MPPED1: variants seen among roughly 807,000 people sequenced by gnomAD.
MPPED1 encodes the protein metallophosphoesterase domain containing 1, also known as metallophosphoesterase domain-containing protein 1.
MPPED1 carries 16 observed loss-of-function variants against 36.2 expected under a neutral mutation model. That is an observed-to-expected ratio of 0.44 (90% confidence interval 0.30 to 0.67). MPPED1 has a LOEUF of 0.67. Ranked by LOEUF, MPPED1 falls within the 30% of genes least tolerant of loss-of-function variation. The pLI, the probability that MPPED1 is intolerant of heterozygous loss-of-function variation, is 0.10. For synonymous variants in MPPED1, 199 were observed against 191.3 expected, an observed-to-expected ratio of 1.04 and a Z score of -0.33; for missense variants, 307 against 453.4, an observed-to-expected ratio of 0.68 and a Z score of 2.93.
chr22:43,443,945 A>C (rs995145195), intron 3 of MPPED1, among the ~76,000 whole-genome samples: 7 of 152,202 alleles, frequency 4.6e-5, no homozygotes, highest in African/African-American at 1.7e-4. Context: ...TGATTGATAA[A>C]CTGAGTGACC....
chr22:43,437,823 G>A (rs1241266937), intron 3 of MPPED1, among the ~76,000 whole-genome samples: 1 of 152,170 alleles, frequency 6.6e-6, no homozygotes, highest in Non-Finnish European at 1.5e-5. Flanking sequence ...TACCAGATCT[G>A]GGCTCCCCTG....
intron 3 of MPPED1, among the ~76,000 whole-genome samples, chr22:43,446,648 G>A (rs1159608466): frequency 6.6e-6 from 1 of 152,190 alleles, no homozygotes; most frequent in Non-Finnish European, 1.5e-5. Flanking sequence ...AGCTTGGGGG[G>A]CTTCATGCAG....
chr22:43,490,081 C>A (rs1185537967), intron 4 of MPPED1, among the ~76,000 whole-genome samples: 2 of 152,210 alleles, frequency 1.3e-5, no homozygotes, highest in African/African-American at 4.8e-5. Context: ...AGGGGCAGAA[C>A]TGGGGTGTCC....
chr22:43,442,677 C>T (rs543100926), intron 3 of MPPED1, among the ~76,000 whole-genome samples: 10 of 152,276 alleles, frequency 6.6e-5, no homozygotes, highest in African/African-American at 2.4e-4. Flanking sequence ...CAGTGCAGGG[C>T]ACCAAGCACT....
At chr22:43,461,732 G>A (rs372873699) in intron 3 of MPPED1, among the ~76,000 whole-genome samples, 1 of 152,250 alleles carries the variant, frequency 6.6e-6, no homozygotes, top group Non-Finnish European at 1.5e-5. Context: ...AAAAACCTGA[G>A]AATATATGTC....
intron 3 of MPPED1, among the ~76,000 whole-genome samples, chr22:43,468,538 G>A (rs1466727576): frequency 1.3e-5 from 2 of 152,196 alleles, no homozygotes; most frequent in Non-Finnish European, 2.9e-5. Flanking sequence ...GAGGCAGGAG[G>A]CCAGGGTTCA....
chr22:43,477,169 C>T lies in MPPED1; in HGVS notation c.632+2208C>T, dbSNP rs114345597. Among the ~76,000 whole-genome samples, 1,459 of 152,308 alleles carry T rather than the reference C, an allele frequency of 9.6e-3. 25 individuals carry two copies. The highest frequency in any genetic ancestry group is 0.033 in the African/African-American group (1,373 of 41,572). On this transcript the variant is annotated intron_variant, in intron 4 of 6. Coordinates refer to ENST00000443721, the MANE Select transcript of MPPED1 (RefSeq NM_001044370.2). ...CACAGGCAGAGGAGGCAGAGGGAGACCACATGTCTGAACCTCTGTTATGTG... is the reference window on the plus strand; with the variant it reads ...CACAGGCAGAGGAGGCAGAGGGAGATCACATGTCTGAACCTCTGTTATGTG...
intron 4 of MPPED1, among the ~76,000 whole-genome samples, chr22:43,484,623 G>T (rs528973061): frequency 1.3e-5 from 2 of 152,338 alleles, no homozygotes; most frequent in African/African-American, 4.8e-5. Context: ...GGTGAGACAC[G>T]CAAAGCCATG....
At chr22:43,439,076 A>C (rs923753153) in intron 3 of MPPED1, among the ~76,000 whole-genome samples, 1 of 152,244 alleles carries the variant, frequency 6.6e-6, no homozygotes, top group Non-Finnish European at 1.5e-5. Context: ...AAGACAAGAC[A>C]AGACATCTAA....
chr22:43,506,744 G>A lies in MPPED1; in HGVS notation c.*1128G>A, dbSNP rs370979524. On this transcript the variant is annotated 3_prime_UTR_variant, in exon 7 of 7. Coordinates refer to ENST00000443721, the MANE Select transcript of MPPED1 (RefSeq NM_001044370.2). ...CTTCTTTGAATTAGGACTGGAGGGG[G>A]TGGGGCCAGGGCGGTGGTGGGAACC... is the stretch of plus-strand genomic sequence containing the variant. 4 of 152,320 alleles carry A rather than the reference G, an allele frequency of 2.6e-5. No homozygotes were observed. The highest frequency in any genetic ancestry group is 9.6e-5 in the African/African-American group (4 of 41,540). The allele number at this position is 152,320 out of a possible 1,614,324, so 9.4% of individuals were successfully genotyped here.
At chr22:43,442,850 C>G (rs1930198803) in intron 3 of MPPED1, among the ~76,000 whole-genome samples, 1 of 152,184 alleles carries the variant, frequency 6.6e-6, no homozygotes, top group African/African-American at 2.4e-5. Context: ...CACGTACCTC[C>G]CAGTGTCAGA....
At chr22:43,477,779 C>G (rs1931623291) in intron 4 of MPPED1, among the ~76,000 whole-genome samples, 1 of 152,204 alleles carries the variant, frequency 6.6e-6, no homozygotes, top group Non-Finnish European at 1.5e-5. Context: ...CCTTTGGGTA[C>G]TGGAGGCTGT....
chr22:43,429,600 G>A (rs1163377459), intron 2 of MPPED1, among the ~76,000 whole-genome samples: 6 of 152,256 alleles, frequency 3.9e-5, no homozygotes, highest in Non-Finnish European at 8.8e-5. Context: ...TGGGCCTTGT[G>A]GCCCACGCTT....
intron 1 of MPPED1, among the ~76,000 whole-genome samples, chr22:43,415,225 C>CAAAAAAAAAAAAAAAA (rs34357060): frequency 2.2e-4 from 11 of 49,414 alleles, no homozygotes; most frequent in Admixed American, 5.5e-4. Flanking sequence ...ATGTCAAAAG[C>CAAAAAAAAAAAAAAAA]AAAAAAAAAA....
At chr22:43,417,447 C>CTTTT (rs11431981) in intron 1 of MPPED1, among the ~76,000 whole-genome samples, 1 of 132,364 alleles carries the variant, frequency 7.6e-6, no homozygotes, top group South Asian at 2.5e-4. Context: ...AGTCCCTCTG[C>CTTTT]TTTTTTTTTT....
chr22:43,415,793 T>G (rs972057768), intron 1 of MPPED1, among the ~76,000 whole-genome samples: 1 of 152,194 alleles, frequency 6.6e-6, no homozygotes, highest in African/African-American at 2.4e-5. Flanking sequence ...GAAAGTTTGT[T>G]TCTATAAAAT....
At chr22:43,427,375 G>A (rs917244197) in intron 2 of MPPED1, among the ~76,000 whole-genome samples, 7 of 152,110 alleles carry the variant, frequency 4.6e-5, no homozygotes, top group Non-Finnish European at 1.0e-4. Flanking sequence ...GTTGGGAGAG[G>A]GTGTGAGGAG....
intron 4 of MPPED1, among the ~76,000 whole-genome samples, chr22:43,483,568 G>A (rs760964888): frequency 3.9e-5 from 6 of 152,244 alleles, no homozygotes; most frequent in African/African-American, 9.6e-5. Flanking sequence ...TTTCTGACCT[G>A]GAGTCCTTTG....
At chr22:43,418,070 C>T (rs1929136600) in intron 1 of MPPED1, 1 of 456,132 alleles carries the variant, frequency 2.2e-6, no homozygotes, top group Admixed American at 2.3e-5. Flanking sequence ...TATGCTAGCC[C>T]CCCAGTGATT....
Sources: gnomAD v4.1 joint callset for allele counts (sites outside exome capture counted in the v4.1 genomes callset) on GRCh38, gnomAD v4.1.1 for gene constraint, MANE v1.5 for transcripts, NCBI Gene and HGNC (gene_info 2026-07-23, HGNC 2026-07-21) for gene names.